Variants in PIEZO2 observed in about 807,000 individuals in gnomAD.
The protein encoded by PIEZO2 is piezo-type mechanosensitive ion channel component 2.
Under a neutral mutation model 337.3 loss-of-function variants are expected in PIEZO2, and 172 were observed. The ratio of observed to expected loss-of-function variants is 0.51; its 90% confidence interval spans 0.45 to 0.58. The LOEUF is 0.58. Among genes scored for constraint, PIEZO2 ranks in the 20% least tolerant of loss-of-function variants. PIEZO2 has a pLI of 0.00. For synonymous variants in PIEZO2, 1,251 were observed against 1,228.5 expected (o/e 1.02, Z -0.38); for missense variants, 3,028 against 3,391.3 (o/e 0.89, Z 2.66).
At chr18:10,730,839 G>A (rs957909846) in intron 36 of PIEZO2, among the ~76,000 whole-genome samples, 2 of 152,116 alleles carry the variant, frequency 1.3e-5, no homozygotes, top group African/African-American at 4.8e-5. Flanking sequence ...CCGTTCTCCT[G>A]CCTCAGCCTC....
rs115774716 is a variant in PIEZO2, at chr18:10,737,125, T to C, written c.4709-415A>G. Among the ~76,000 whole-genome samples the C allele has an allele frequency of 6.6e-3, 998 of 151,940 alleles. 16 individuals carry two copies. The highest frequency in any genetic ancestry group is 0.023 in the African/African-American group (950 of 41,366). ...GACAAGGCCAAAGTGAGGTGGAGGA[T>C]TAGGCTTTGTCTGAATGGGCCCAAA... On this transcript the variant is annotated intron_variant, in intron 33 of 55. Transcript: ENST00000674853.
chr18:11,124,832 G>A (rs140437683), intron 1 of PIEZO2, among the ~76,000 whole-genome samples: 108 of 152,226 alleles, frequency 7.1e-4, no homozygotes, highest in Middle Eastern at 3.4e-3. Flanking sequence ...GCGCTGGATC[G>A]TACATGGTCA....
At position 11,058,325 on chromosome 18, in the gene PIEZO2, G is replaced by GA. The variant is rs1472441196; in HGVS notation, c.160+7801dup. ...ATCAAAGACCAACCACAAAGTTGGG[G>GA]AAAAAACAGCTGGAAATCTGAAAAC... On this transcript the variant is annotated intron_variant, in intron 2 of 55. Coordinates refer to ENST00000674853, the MANE Select transcript of PIEZO2 (RefSeq NM_001378183.1). Among the ~76,000 whole-genome samples the GA allele has an allele frequency of 1.1e-4, 17 of 152,198 alleles. No homozygotes were observed. The East Asian group carries it at 3.3e-3, about 29-fold the overall frequency.
intron 7 of PIEZO2, among the ~76,000 whole-genome samples, chr18:10,823,052 A>G (rs1429181816): frequency 6.6e-6 from 1 of 152,182 alleles, no homozygotes; most frequent in Non-Finnish European, 1.5e-5. Context: ...CATGATTCAG[A>G]AAGTATTTAA....
chr18:10,770,733 CCCTT>C (rs371395751), intron 20 of PIEZO2, among the ~76,000 whole-genome samples: 3,148 of 138,660 alleles, frequency 0.023, 124 homozygotes, highest in African/African-American at 0.082. Flanking sequence ...CACCCTCCCT[CCCTT>C]CCTTCCTTCC....
chr18:10,684,466 GTTTTT>G (rs58939994), intron 49 of PIEZO2, among the ~76,000 whole-genome samples: 110,609 of 135,878 alleles, frequency 0.81, 47,432 homozygotes, highest in East Asian at 1. Context: ...CGCCCGGCCT[GTTTTT>G]TTTTTTTTTT....
intron 36 of PIEZO2, among the ~76,000 whole-genome samples, chr18:10,720,405 ATGTGTATGTGTATG>A (rs1309297356): frequency 0.015 from 171 of 11,538 alleles, 5 homozygotes; most frequent in South Asian, 0.027. Flanking sequence ...GTGTGTGTGT[ATGTGTATGTGTATG>A]TATATATATA....
intron 42 of PIEZO2, among the ~76,000 whole-genome samples, chr18:10,703,795 G>A (rs76896642): frequency 0.013 from 1,947 of 152,240 alleles, 53 homozygotes; most frequent in African/African-American, 0.043. Flanking sequence ...CTCATACCCC[G>A]CATGGGATGA....
At position 11,001,633 on chromosome 18, in the gene PIEZO2, T is replaced by C. The variant is rs1455306313; in HGVS notation, c.161-21973A>G. Among the ~76,000 whole-genome samples the C allele has an allele frequency of 2.6e-5, 4 of 152,060 alleles. No homozygotes were observed. Among genetic ancestry groups the C allele is most frequent in the Non-Finnish European group, 5.9e-5 (4 of 68,012 alleles). ...TGGCTCGTGCCTGTAATCTCAGCAC[T>C]TTGGGAGGCTGAGGTGGGCGGATCA... On this transcript the variant is annotated intron_variant, in intron 2 of 55. Coordinates refer to ENST00000674853, the MANE Select transcript of PIEZO2 (RefSeq NM_001378183.1). The surrounding 1 kb of genome is among the most constrained non-coding windows in gnomAD (Gnocchi z 5.3).
chr18:10,671,692 A>G lies in PIEZO2; in HGVS notation c.8433T>C (p.Phe2811=), dbSNP rs748809903. 1.2e-6 allele frequency: 2 copies of G among 1,613,966 alleles called. No individual in the cohort carries two copies. The highest frequency in any genetic ancestry group is 1.7e-5 in the Admixed American group (1 of 60,002). The part of the protein sequence containing the change: ...FFSGISHSIM[F]EELPNVDRIL... ...TTCGATCCACATTTGGAAGCTCTTC[A>G]AACATGATGGAGTGAGAAATCCCAC... The change falls in exon 56 of 56, where the codon TTT becomes TTC. Residue 2811 remains phenylalanine (F), a synonymous_variant. Coordinates refer to ENST00000674853, the MANE Select transcript of PIEZO2 (RefSeq NM_001378183.1).
chr18:11,095,123 T>C (rs2039225925), intron 1 of PIEZO2, among the ~76,000 whole-genome samples: 1 of 152,200 alleles, frequency 6.6e-6, no homozygotes, highest in Non-Finnish European at 1.5e-5. Context: ...GATTCCCAAG[T>C]TTGCTACATG....
chr18:11,079,076 T>C lies in PIEZO2; in HGVS notation c.65-12854A>G, dbSNP rs924024756. On this transcript the variant is annotated intron_variant, in intron 1 of 55. Transcript: ENST00000674853. The stretch of plus-strand genomic sequence containing the variant: ...CATTTTTGAGCTCACTATAGGTGTT[T>C]CCATCAGCTCATGAACTTGAGATTG... Among the ~76,000 whole-genome samples, 7 of 152,216 alleles carry C rather than the reference T, an allele frequency of 4.6e-5. No homozygotes were observed. The South Asian group carries it at 1.4e-3, about 32-fold the overall frequency.
Position 10,704,604 on chromosome 18 carries a change from C to T in PIEZO2, c.6048G>A (p.Gly2016=), listed in dbSNP as rs1480827722. The change falls in exon 42 of 56, where the codon GGG becomes GGA. Residue 2016 remains glycine, a synonymous_variant. Coordinates refer to ENST00000674853, the MANE Select transcript of PIEZO2 (RefSeq NM_001378183.1). The part of the protein sequence containing the change: ...ELEESEKFYV[G]QPRFLLLFYA... ...AGAAGAGCAGCAGAAATCGGGGCTG[C>T]CCCACGTAGAATTTCTCTGACTCTT... is the stretch of plus-strand genomic sequence containing the variant. 1 of 1,537,236 alleles carries T rather than the reference C, an allele frequency of 6.5e-7. No homozygotes were observed. Among genetic ancestry groups the T allele is most frequent in the Admixed American group, 2.0e-5 (1 of 51,002 alleles).
Position 10,965,182 on chromosome 18 carries a change from CTA to C in PIEZO2, c.286+14351_286+14352del, listed in dbSNP as rs555678264. ...GAAATTGTTAGATCATGTGGCAGTT[CTA>C]TGTTTAATTTTTTGAAGAACCACCA... is the stretch of plus-strand genomic sequence containing the variant. On this transcript the variant is annotated intron_variant, in intron 3 of 55. Transcript: ENST00000674853. Among the ~76,000 whole-genome samples, 256 of 152,196 alleles carry C rather than the reference CTA, an allele frequency of 1.7e-3. 2 individuals carry two copies. Among genetic ancestry groups the C allele is most frequent in the Admixed American group, 4.1e-3 (62 of 15,284 alleles).
chr18:11,137,126 G>A (rs901632268), intron 1 of PIEZO2, among the ~76,000 whole-genome samples: 4 of 152,166 alleles, frequency 2.6e-5, no homozygotes, highest in African/African-American at 7.2e-5. Flanking sequence ...TGTATTAGGA[G>A]CAGGTGAGGG....
intron 12 of PIEZO2, among the ~76,000 whole-genome samples, chr18:10,796,057 CAT>C (rs2039582942): frequency 6.6e-6 from 1 of 151,998 alleles, no homozygotes; most frequent in Non-Finnish European, 1.5e-5. Context: ...GCTTGATGCT[CAT>C]ATTGGTAAAA....
chr18:11,057,746 C>A (rs533294943), intron 2 of PIEZO2, among the ~76,000 whole-genome samples: 2 of 152,326 alleles, frequency 1.3e-5, no homozygotes, highest in African/African-American at 4.8e-5. Context: ...GCTGTTCCAA[C>A]TTTAAAAATC....
Position 11,148,594 on chromosome 18 carries a change from C to G in PIEZO2, c.-6G>C. On this transcript the variant is annotated 5_prime_UTR_variant, in exon 1 of 56. Transcript: ENST00000674853. This position sits in a 1 kb window ranked among gnomAD's most constrained non-coding sequence, Gnocchi z 5.2. ...CACACCACTTCTGAGGCCATCGCGT[C>G]GGTCCGGCGAGTCGGAGCAGAGGGG... 6.5e-7 allele frequency: 1 copy of G among 1,537,096 alleles called. No homozygotes were observed.
intron 5 of PIEZO2, among the ~76,000 whole-genome samples, chr18:10,868,530 T>C (rs944043619): frequency 5.3e-5 from 8 of 152,152 alleles, no homozygotes; most frequent in African/African-American, 1.4e-4. Flanking sequence ...TGATGTAAAA[T>C]AGCCCCAAAC....
Sources: allele counts gnomAD v4.1 joint callset (sites outside exome capture counted in the v4.1 genomes callset), GRCh38; gene constraint gnomAD v4.1.1; non-coding constraint Gnocchi (gnomAD v3.1); transcripts MANE v1.5; gene names NCBI Gene and HGNC (gene_info 2026-07-23, HGNC 2026-07-21).